Variants in TENM2 observed in about 807,000 individuals in gnomAD.
TENM2 encodes teneurin transmembrane protein 2, also known as teneurin-2.
A neutral mutation model predicts 245.2 loss-of-function variants in TENM2; 52 were observed. The observed-to-expected ratio is 0.21, with a 90% CI of 0.17 to 0.27. The LOEUF (loss-of-function observed/expected upper bound fraction) is 0.27, where lower values mean the gene tolerates loss of function less well. Ranked by LOEUF, TENM2 falls within the 10% of genes least tolerant of loss-of-function variation. The pLI is 1.00. For missense variants in TENM2, 3,046 were observed against 3,666.8 expected, an observed-to-expected ratio of 0.83 and a Z score of 4.37; for synonymous variants, 1,363 against 1,438.9, an observed-to-expected ratio of 0.95 and a Z score of 1.19.
the TENM2 span, among the ~76,000 whole-genome samples, chr5:167,078,251 A>C: frequency 6.6e-6 from 1 of 152,110 alleles, no homozygotes; most frequent in Non-Finnish European, 1.5e-5. Context: ...TGGGAGGCTA[A>C]GACGGGTGGA....
intron 2 of TENM2, among the ~76,000 whole-genome samples, chr5:167,854,663 T>C (rs948116344): frequency 6.6e-6 from 1 of 152,148 alleles, no homozygotes; most frequent in Admixed American, 6.5e-5. Flanking sequence ...TTTGGAATGG[T>C]TTTCAACCCA....
intron 4 of TENM2, among the ~76,000 whole-genome samples, chr5:167,989,444 G>T (rs1015982104): frequency 1.3e-5 from 2 of 152,144 alleles, no homozygotes; most frequent in Non-Finnish European, 2.9e-5. Flanking sequence ...AATTGAACGG[G>T]CTTGTTAAGA....
the TENM2 span, among the ~76,000 whole-genome samples, chr5:167,020,691 A>G: frequency 6.6e-6 from 1 of 152,188 alleles, no homozygotes; most frequent in Middle Eastern, 3.2e-3. Context: ...ATTGCCAGCC[A>G]TGTCTGTCTC....
rs371644337 is a variant in TENM2, at chr5:167,635,745, C to T, written c.503-240241C>T. Among the ~76,000 whole-genome samples the T allele has an allele frequency of 2.8e-3, 420 of 149,242 alleles. 4 individuals are homozygous for T. Among genetic ancestry groups the T allele is most frequent in the African/African-American group, 9.7e-3 (391 of 40,394 alleles). ...CTGCAAGCTCCGCCTCCCGGGTTCA[C>T]GCCATTCTCCTGCCTCAGCCTCCCT... On this transcript the variant is annotated intron_variant, in intron 2 of 28. Coordinates refer to ENST00000518659, the Ensembl canonical transcript of TENM2.
intron 2 of TENM2, among the ~76,000 whole-genome samples, chr5:167,702,552 G>GTGTATATATATATATATATATACA (rs58351767): frequency 7.3e-6 from 1 of 136,782 alleles, no homozygotes; most frequent in African/African-American, 2.9e-5. Flanking sequence ...GTGTGTGTGT[G>GTGTATATATATATATATATATACA]TATATATATA....
chr5:168,220,043 CA>C (rs1244925320), intron 23 of TENM2, among the ~76,000 whole-genome samples: 3 of 152,120 alleles, frequency 2.0e-5, no homozygotes, highest in African/African-American at 7.2e-5. Flanking sequence ...AACTCTTTCT[CA>C]AGCACCTTAA....
chr5:167,643,347 A>T (rs1335223427), intron 2 of TENM2, among the ~76,000 whole-genome samples: 1 of 151,996 alleles, frequency 6.6e-6, no homozygotes, highest in African/African-American at 2.4e-5. Context: ...CCGTTTCTGG[A>T]TATTTCCTAC....
intron 8 of TENM2, 72 bp downstream of exon 10, chr5:168,090,841 A>ATGTGTCTTCTG: frequency 7.3e-7 from 1 of 1,365,352 alleles, no homozygotes; most frequent in Non-Finnish European, 1.0e-6. Context: ...TCTGCAGAAG[A>ATGTGTCTTCTG]CACATCTTCT....
chr5:167,175,862 G>A, the TENM2 span, among the ~76,000 whole-genome samples: 5 of 152,100 alleles, frequency 3.3e-5, no homozygotes, highest in Non-Finnish European at 7.4e-5. Context: ...GGCGCGTGCC[G>A]TGACACACGG....
intron 12 of TENM2, among the ~76,000 whole-genome samples, chr5:168,145,387 C>G (rs1310708445): frequency 1.5e-5 from 2 of 135,484 alleles, no homozygotes; most frequent in African/African-American, 5.6e-5. Flanking sequence ...CCAGTTTCAG[C>G]TTTCTACATA....
chr5:167,348,257 C>T (rs1452922019), intron 1 of TENM2, among the ~76,000 whole-genome samples: 1 of 152,170 alleles, frequency 6.6e-6, no homozygotes, highest in East Asian at 1.9e-4. Flanking sequence ...GGGAATCCCC[C>T]TAGGTACCGT....
chr5:167,489,196 A>G (rs1200668207), intron 2 of TENM2, among the ~76,000 whole-genome samples: 1 of 152,174 alleles, frequency 6.6e-6, no homozygotes, highest in Non-Finnish European at 1.5e-5. Flanking sequence ...AACCATGTTG[A>G]CCTTTATTTC....
chr5:167,110,115 G>A, the TENM2 span, among the ~76,000 whole-genome samples: 3 of 152,158 alleles, frequency 2.0e-5, no homozygotes, highest in South Asian at 2.1e-4. Flanking sequence ...TGGGGAGGCC[G>A]AGGGCTCCCA....
chr5:167,265,331 CAAAAAAAAAAA>C, the TENM2 span, among the ~76,000 whole-genome samples: 1 of 39,396 alleles, frequency 2.5e-5, no homozygotes, highest in East Asian at 5.0e-4. Context: ...GACTCTGTCT[CAAAAAAAAAAA>C]AAAAAAAAAA....
chr5:168,086,487 A>T (rs540942011), intron 7 of TENM2, among the ~76,000 whole-genome samples: 2 of 152,234 alleles, frequency 1.3e-5, no homozygotes, highest in South Asian at 4.2e-4. Flanking sequence ...AAAAGGAGAG[A>T]ACTGGGCGGG....
the TENM2 span, among the ~76,000 whole-genome samples, chr5:167,066,531 CT>C: frequency 9.6e-5 from 14 of 146,116 alleles, no homozygotes; most frequent in Admixed American, 4.8e-4. Context: ...TCCTTCCCCC[CT>C]CCCCCCTCCC....
At chr5:167,857,311 A>G (rs901004283) in intron 2 of TENM2, among the ~76,000 whole-genome samples, 5 of 152,218 alleles carry the variant, frequency 3.3e-5, no homozygotes, top group African/African-American at 9.6e-5. Context: ...TGTTTTTCAT[A>G]GGACATGGCT....
chr5:167,928,765 G>T (rs1777958689), intron 3 of TENM2, among the ~76,000 whole-genome samples: 3 of 151,186 alleles, frequency 2.0e-5, no homozygotes, highest in Admixed American at 2.0e-4. Flanking sequence ...ATGTGGTGGT[G>T]CGTGCCTGTA....
chr5:168,220,021 T>C (rs1763535078), intron 23 of TENM2, among the ~76,000 whole-genome samples: 1 of 152,084 alleles, frequency 6.6e-6, no homozygotes, highest in Admixed American at 6.5e-5. Context: ...GTTCTGACTT[T>C]CTTCTTTGGG....
Sources: allele counts gnomAD v4.1 joint callset (sites outside exome capture counted in the v4.1 genomes callset), GRCh38; gene constraint gnomAD v4.1.1; transcripts MANE v1.5; gene names NCBI Gene and HGNC (gene_info 2026-07-23, HGNC 2026-07-21).